The following MAGI2 variants were observed in gnomAD, a reference collection of about 807,000 sequenced individuals.
MAGI2 encodes membrane associated guanylate kinase, WW and PDZ domain containing 2, also known as membrane-associated guanylate kinase, WW and PDZ domain-containing protein 2.
Under a neutral mutation model 133.3 loss-of-function variants are expected in MAGI2, and 35 were observed. The observed-to-expected ratio is 0.26, with a 90% CI of 0.20 to 0.35. The LOEUF (loss-of-function observed/expected upper bound fraction) is 0.35, where lower values mean the gene tolerates loss of function less well. MAGI2 is among the 10% of genes least tolerant of loss of function. MAGI2 has a pLI of 1.00. For synonymous variants in MAGI2, 729 were observed against 710.6 expected (o/e 1.03, Z -0.41); for missense variants, 1,636 against 1,863.4 (o/e 0.88, Z 2.25).
chr7:78,418,331 A>G (rs1210086699), intron 6 of MAGI2, among the ~76,000 whole-genome samples: 1 of 152,102 alleles, frequency 6.6e-6, no homozygotes, highest in African/African-American at 2.4e-5. Context: ...CTGTGTTAAC[A>G]TTTTTTTGAG....
intron 6 of MAGI2, among the ~76,000 whole-genome samples, chr7:78,462,270 C>A (rs1790141229): frequency 6.6e-6 from 1 of 152,122 alleles, no homozygotes; most frequent in Non-Finnish European, 1.5e-5. Flanking sequence ...CAGACAAAAA[C>A]CAGTATACAA....
intron 10 of MAGI2, among the ~76,000 whole-genome samples, chr7:78,242,064 T>G (rs1277798514): frequency 2.0e-5 from 3 of 149,112 alleles, no homozygotes; most frequent in Non-Finnish European, 1.5e-5. Context: ...ACCACATGTT[T>G]GACCACAAAC....
At chr7:79,401,691 A>C (rs1845481510) in intron 1 of MAGI2, among the ~76,000 whole-genome samples, 1 of 152,148 alleles carries the variant, frequency 6.6e-6, no homozygotes, top group South Asian at 2.1e-4. Flanking sequence ...AACATGGATG[A>C]TTACTATATT....
intron 3 of MAGI2, among the ~76,000 whole-genome samples, chr7:78,560,588 G>T (rs530776123): frequency 6.6e-6 from 1 of 152,056 alleles, no homozygotes; most frequent in African/African-American, 2.4e-5. Context: ...AAATTATTTT[G>T]TAGTTTCAAA....
At chr7:78,123,275 T>G (rs1381234310) in intron 20 of MAGI2, among the ~76,000 whole-genome samples, 2 of 152,176 alleles carry the variant, frequency 1.3e-5, no homozygotes, top group African/African-American at 4.8e-5. Flanking sequence ...ACTGGTTTTT[T>G]GATAAAGTGA....
chr7:79,002,532 T>C (rs1051121300), intron 2 of MAGI2, among the ~76,000 whole-genome samples: 4 of 152,130 alleles, frequency 2.6e-5, no homozygotes, highest in African/African-American at 9.7e-5. Flanking sequence ...TTAGTAGCTA[T>C]AAAATAAGTT....
At chr7:79,059,014 G>A (rs1030431401) in intron 1 of MAGI2, among the ~76,000 whole-genome samples, 1 of 152,016 alleles carries the variant, frequency 6.6e-6, no homozygotes, top group Non-Finnish European at 1.5e-5. Flanking sequence ...ATAAATAGGA[G>A]TTGTTAACAT....
chr7:78,108,294 T>G (rs1241497655), intron 20 of MAGI2, among the ~76,000 whole-genome samples: 1 of 152,222 alleles, frequency 6.6e-6, no homozygotes, highest in Non-Finnish European at 1.5e-5. Context: ...AAAGTCCCTC[T>G]TGTTACTGAC....
At chr7:79,069,889 T>C (rs1308789145) in intron 1 of MAGI2, among the ~76,000 whole-genome samples, 1 of 152,200 alleles carries the variant, frequency 6.6e-6, no homozygotes, top group Non-Finnish European at 1.5e-5. Context: ...GATATGTAAT[T>C]CTGGGTTGAA....
At chr7:78,436,466 T>C (rs2151443900) in intron 6 of MAGI2, among the ~76,000 whole-genome samples, 1 of 152,316 alleles carries the variant, frequency 6.6e-6, no homozygotes, top group South Asian at 2.1e-4. Context: ...ACAAGTGGTC[T>C]GAGAAGTTTA....
intron 6 of MAGI2, among the ~76,000 whole-genome samples, chr7:78,385,357 G>A (rs1410677373): frequency 6.6e-6 from 1 of 152,120 alleles, no homozygotes; most frequent in Non-Finnish European, 1.5e-5. Context: ...CCTTGTTCCA[G>A]GTGGAGATAA....
At chr7:79,043,559 A>G (rs1159649817) in intron 1 of MAGI2, among the ~76,000 whole-genome samples, 6 of 150,788 alleles carry the variant, frequency 4.0e-5, no homozygotes, top group African/African-American at 7.3e-5. Context: ...AAAAAAAAAA[A>G]AAAAAGAAAT....
At chr7:79,242,688 T>C (rs1324231974) in intron 1 of MAGI2, among the ~76,000 whole-genome samples, 3 of 152,246 alleles carry the variant, frequency 2.0e-5, no homozygotes, top group Admixed American at 2.0e-4. Flanking sequence ...TTCCATGTTG[T>C]TGAATTGTCC....
intron 2 of MAGI2, among the ~76,000 whole-genome samples, chr7:78,948,347 G>A (rs1801601686): frequency 6.6e-6 from 1 of 150,886 alleles, no homozygotes. Context: ...ATTGTACTTA[G>A]CAGCATATGA....
intron 6 of MAGI2, among the ~76,000 whole-genome samples, chr7:78,487,772 C>CCACATTTT (rs1157399932): frequency 6.6e-6 from 1 of 152,032 alleles, no homozygotes; most frequent in East Asian, 1.9e-4. Flanking sequence ...ATCGGAGCCT[C>CCACATTTT]TACATTTTTA....
At chr7:78,179,946 G>C (rs1827030453) in intron 13 of MAGI2, among the ~76,000 whole-genome samples, 1 of 152,148 alleles carries the variant, frequency 6.6e-6, no homozygotes, top group Middle Eastern at 3.2e-3. Context: ...ATGGAGTAGA[G>C]CTCTACAAAA....
chr7:78,483,825 A>C (rs564125000), intron 6 of MAGI2, among the ~76,000 whole-genome samples: 1 of 151,944 alleles, frequency 6.6e-6, no homozygotes, highest in African/African-American at 2.4e-5. Flanking sequence ...TTTTTTACAA[A>C]CATATATGAA....
Position 78,881,134 on chromosome 7 carries a change from T to C in MAGI2, c.418+125956A>G, listed in dbSNP as rs545474423. Among the ~76,000 whole-genome samples, 10 of 152,236 alleles carry C rather than the reference T, an allele frequency of 6.6e-5. No homozygotes were observed. The South Asian group carries it at 2.1e-3, about 32-fold the overall frequency. ...ACACAGTAATAGTGGGGGATTTCAA[T>C]ACCCCATTGATAGCACTAGACAGAT... is the stretch of plus-strand genomic sequence containing the variant. On this transcript the variant is annotated intron_variant, in intron 2 of 21. Transcript: ENST00000354212.
intron 21 of MAGI2, among the ~76,000 whole-genome samples, chr7:78,031,415 C>T (rs993195793): frequency 4.6e-5 from 7 of 151,926 alleles, no homozygotes; most frequent in African/African-American, 7.3e-5. Flanking sequence ...ATTTTTAAAC[C>T]TGGGTGAAGA....
Sources: allele counts gnomAD v4.1 joint callset (sites outside exome capture counted in the v4.1 genomes callset), GRCh38; gene constraint gnomAD v4.1.1; transcripts MANE v1.5; gene names NCBI Gene and HGNC (gene_info 2026-07-23, HGNC 2026-07-21).